The following DPYD variants were observed in gnomAD, a reference collection of about 807,000 sequenced individuals.
DPYD encodes the protein dihydropyrimidine dehydrogenase [NADP(+)].
In DPYD, 109 loss-of-function variants were observed where a neutral mutation model predicts 116.2. The observed-to-expected ratio is 0.94, with a 90% CI of 0.80 to 1.10. DPYD has a LOEUF of 1.10. Among genes scored for constraint, DPYD ranks in the 50% least tolerant of loss-of-function variants. The pLI is 0.00. For synonymous variants in DPYD, 440 were observed against 432.0 expected (o/e 1.02, Z -0.23); for missense variants, 1,302 against 1,254.5 (o/e 1.04, Z -0.57).
rs540496694 is a variant in DPYD at position 97,663,102 on chromosome 1, G to A, written c.850+15993C>T. Among the ~76,000 whole-genome samples the A allele has an allele frequency of 5.3e-5, 8 of 152,210 alleles. No individual in the cohort carries two copies. In the East Asian group the frequency reaches 5.8e-4, roughly 11 times the overall value. On this transcript the variant is annotated intron_variant, in intron 8 of 22. Coordinates refer to ENST00000370192, the MANE Select transcript of DPYD (RefSeq NM_000110.4). ...TTCAAGATTCATACTAGCAAATAGCGAGGAGATACTGCCACTAGCATCATT... is the reference window on the plus strand; with the variant it reads ...TTCAAGATTCATACTAGCAAATAGCAAGGAGATACTGCCACTAGCATCATT...
In DPYD at chr1:97,464,269, AAAATAAAATAAAAT is replaced by A. The variant is rs879367949; in HGVS notation, c.1741-14060_1741-14047del. ...AAAATAAAATAAAATAAAATAAAAT[AAAATAAAATAAAAT>A]AAAGAAAAGAAAATTTTCAACCTGG... On this transcript the variant is annotated intron_variant, in intron 13 of 22. Transcript: ENST00000370192. Among the ~76,000 whole-genome samples the A allele has an allele frequency of 3.6e-3, 542 of 148,834 alleles. 3 individuals carry two copies. The highest frequency in any genetic ancestry group is 0.012 in the African/African-American group (489 of 40,838).
chr1:97,219,841 C>T lies in DPYD; in HGVS notation c.2442+15011G>A, dbSNP rs763519439. Among the ~76,000 whole-genome samples the T allele has an allele frequency of 1.3e-4, 20 of 152,238 alleles. 1 individual carries two copies. Among genetic ancestry groups the T allele is most frequent in the African/African-American group, 2.6e-4 (11 of 41,556 alleles). On this transcript the variant is annotated intron_variant, in intron 19 of 22. Transcript: ENST00000370192. ...TCAAGTGCAGAATAACATCTAAAATCGTTATCATGACCTGAAGTACTCCAC... is the reference window on the plus strand; with the variant it reads ...TCAAGTGCAGAATAACATCTAAAATTGTTATCATGACCTGAAGTACTCCAC...
chr1:97,548,601 G>A (rs1292729938), intron 12 of DPYD, among the ~76,000 whole-genome samples: 3 of 152,066 alleles, frequency 2.0e-5, no homozygotes, highest in African/African-American at 4.8e-5. Flanking sequence ...GCTGGGTGTG[G>A]TGGCATGAAC....
intron 1 of DPYD, among the ~76,000 whole-genome samples, chr1:97,886,037 A>C (rs1422020571): frequency 6.6e-6 from 1 of 152,102 alleles, no homozygotes; most frequent in African/African-American, 2.4e-5. Flanking sequence ...AAAATAGTAA[A>C]AATGAAAACT....
chr1:97,610,276 T>C (rs762072486), intron 8 of DPYD, among the ~76,000 whole-genome samples: 18 of 151,902 alleles, frequency 1.2e-4, no homozygotes, highest in Non-Finnish European at 2.4e-4. Flanking sequence ...GAATCAATAA[T>C]ATTTGTAACT....
chr1:97,219,288 T>C (rs897017409), intron 19 of DPYD, among the ~76,000 whole-genome samples: 2 of 152,216 alleles, frequency 1.3e-5, no homozygotes, highest in Admixed American at 6.5e-5. Flanking sequence ...TGTATTTTCA[T>C]TTTTTGTTGC....
chr1:97,277,233 G>T (rs1042522029), intron 18 of DPYD, among the ~76,000 whole-genome samples: 1 of 151,938 alleles, frequency 6.6e-6, no homozygotes, highest in Non-Finnish European at 1.5e-5. Flanking sequence ...AAGGAGGTAA[G>T]GGTTGAAAAA....
chr1:97,610,249 C>A (rs1226002558), intron 8 of DPYD, among the ~76,000 whole-genome samples: 2 of 151,922 alleles, frequency 1.3e-5, no homozygotes, highest in Non-Finnish European at 2.9e-5. Context: ...ACCCCCCATA[C>A]CCTCAGATAA....
chr1:97,695,279 T>C (rs952757594), intron 6 of DPYD, among the ~76,000 whole-genome samples: 1 of 151,686 alleles, frequency 6.6e-6, no homozygotes, highest in African/African-American at 2.4e-5. Flanking sequence ...TTTACAGGAA[T>C]AAATTAAAAA....
At chr1:97,149,695 T>C (rs537068855) in intron 20 of DPYD, among the ~76,000 whole-genome samples, 23 of 152,310 alleles carry the variant, frequency 1.5e-4, no homozygotes, top group Middle Eastern at 3.4e-3. Flanking sequence ...TTAAAAATTA[T>C]TATGAATTTC....
intron 2 of DPYD, among the ~76,000 whole-genome samples, chr1:97,829,618 T>C (rs1200758226): frequency 6.6e-6 from 1 of 152,164 alleles, no homozygotes; most frequent in East Asian, 1.9e-4. Context: ...TTAAAAACTT[T>C]CTCAAAGTTA....
chr1:97,412,599 T>G (rs1443806773), intron 14 of DPYD, among the ~76,000 whole-genome samples: 3 of 152,226 alleles, frequency 2.0e-5, no homozygotes, highest in Admixed American at 2.0e-4. Flanking sequence ...AGCATACCTT[T>G]GTCTTAGAAA....
chr1:97,308,980 T>C (rs1667324950), intron 16 of DPYD, among the ~76,000 whole-genome samples: 1 of 151,842 alleles, frequency 6.6e-6, no homozygotes. Context: ...ATATATGTTG[T>C]GTCAATGAAT....
At chr1:97,702,672 C>T (rs1036023582) in intron 5 of DPYD, among the ~76,000 whole-genome samples, 1 of 151,864 alleles carries the variant, frequency 6.6e-6, no homozygotes, top group African/African-American at 2.4e-5. Flanking sequence ...TTGTGCTCAG[C>T]ATTCACTCAT....
chr1:97,560,330 A>G (rs1557799047), intron 11 of DPYD, among the ~76,000 whole-genome samples: 1 of 152,184 alleles, frequency 6.6e-6, no homozygotes, highest in Non-Finnish European at 1.5e-5. Context: ...ATTAAATACA[A>G]AAGAAATATA....
chr1:97,825,345 T>G (rs1198347325), intron 3 of DPYD, among the ~76,000 whole-genome samples: 1 of 151,710 alleles, frequency 6.6e-6, no homozygotes, highest in Non-Finnish European at 1.5e-5. Context: ...AAAACCTAAA[T>G]AAATAAGGAG....
At chr1:97,480,018 T>C (rs531478350) in intron 13 of DPYD, among the ~76,000 whole-genome samples, 4 of 152,336 alleles carry the variant, frequency 2.6e-5, no homozygotes, top group African/African-American at 9.6e-5. Flanking sequence ...AGAACTTGTA[T>C]CTTCCTGCTT....
chr1:97,323,965 T>C (rs35568022), intron 16 of DPYD, among the ~76,000 whole-genome samples: 1,595 of 151,964 alleles, frequency 0.01, 28 homozygotes, highest in Middle Eastern at 0.044. Flanking sequence ...GATCTAGGCC[T>C]AGGCAACTGA....
chr1:97,632,918 C>T (rs907038749), intron 8 of DPYD, among the ~76,000 whole-genome samples: 1 of 151,994 alleles, frequency 6.6e-6, no homozygotes, highest in Non-Finnish European at 1.5e-5. Flanking sequence ...TCTTTAGAGC[C>T]TAAAGATAGA....
Sources: allele counts gnomAD v4.1 joint callset (sites outside exome capture counted in the v4.1 genomes callset), GRCh38; gene constraint gnomAD v4.1.1; transcripts MANE v1.5; gene names NCBI Gene and HGNC (gene_info 2026-07-23, HGNC 2026-07-21).